NPRL3: variants seen among roughly 807,000 people sequenced by gnomAD.
NPRL3 encodes GATOR1 complex protein NPRL3.
A neutral mutation model predicts 57.2 loss-of-function variants in NPRL3; 23 were observed. That is an observed-to-expected ratio of 0.40 (90% CI 0.29 to 0.57). The LOEUF (loss-of-function observed/expected upper bound fraction) is 0.57. NPRL3 is among the 20% of genes least tolerant of loss of function. NPRL3 has a pLI of 0.42. For synonymous variants in NPRL3, 333 were observed against 321.1 expected, an observed-to-expected ratio of 1.04 and a Z score of -0.39; for missense variants, 691 against 767.1, an observed-to-expected ratio of 0.90 and a Z score of 1.17.
At chr16:90,509 G>A (rs1345740996) in intron 11 of NPRL3, 1 of 152,558 alleles carries the variant, frequency 6.6e-6, no homozygotes, top group African/African-American at 2.4e-5. Flanking sequence ...GGCACGTCCT[G>A]GCCAGGCCCT....
At chr16:116,045 A>C (rs1900020049) in intron 5 of NPRL3, among the ~76,000 whole-genome samples, 1 of 152,196 alleles carries the variant, frequency 6.6e-6, no homozygotes, top group South Asian at 2.1e-4. Context: ...AATACTCCTA[A>C]CAGTGGGACT....
intron 9 of NPRL3, among the ~76,000 whole-genome samples, chr16:96,256 A>G (rs568930205): frequency 6.6e-6 from 1 of 152,294 alleles, no homozygotes; most frequent in Admixed American, 6.5e-5. Context: ...CAAGGATGAG[A>G]GGCACAGTGT....
At chr16:130,016 C>A (rs939343601) in intron 3 of NPRL3, among the ~76,000 whole-genome samples, 1 of 152,152 alleles carries the variant, frequency 6.6e-6, no homozygotes, top group Non-Finnish European at 1.5e-5. Flanking sequence ...GGAACCGGAT[C>A]CACCTTTCAT....
intron 2 of NPRL3, among the ~76,000 whole-genome samples, chr16:134,802 C>T (rs1277316009): frequency 6.7e-6 from 1 of 148,412 alleles, no homozygotes; most frequent in Non-Finnish European, 1.5e-5. Context: ...CCCGGGTTCA[C>T]GCCATTCTCC....
At chr16:120,436 T>C (rs1900234081) in intron 3 of NPRL3, among the ~76,000 whole-genome samples, 1 of 152,312 alleles carries the variant, frequency 6.6e-6, no homozygotes, top group East Asian at 1.9e-4. Context: ...AAGGAAGGCC[T>C]GCTTTGAACT....
At chr16:117,514 G>A (rs1900095031) in intron 4 of NPRL3, 139 bp from the exon 5 acceptor site, 2 of 625,784 alleles carry the variant, frequency 3.2e-6, no homozygotes, top group African/African-American at 3.7e-5. Flanking sequence ...CCTTTGCTCT[G>A]GAGGCGTGCC....
At chr16:112,558 T>G (rs1899861391) in intron 6 of NPRL3, 64 bp downstream of exon 6, 5 of 1,383,496 alleles carry the variant, frequency 3.6e-6, no homozygotes, top group Non-Finnish European at 4.7e-6. Flanking sequence ...TCCACAGAGG[T>G]CTGCGCTGCA....
intron 3 of NPRL3, among the ~76,000 whole-genome samples, chr16:129,113 A>G (rs1253180555): frequency 6.6e-6 from 1 of 152,212 alleles, no homozygotes; most frequent in Non-Finnish European, 1.5e-5. Context: ...TCATGTCATT[A>G]TAAGTCTGAA....
At chr16:117,577 G>A (rs551511138) in intron 4 of NPRL3, among the ~76,000 whole-genome samples, 7 of 152,298 alleles carry the variant, frequency 4.6e-5, no homozygotes, top group Middle Eastern at 3.4e-3. Flanking sequence ...TCAGTGCTCT[G>A]ACCCCCTCGC....
intron 7 of NPRL3, among the ~76,000 whole-genome samples, chr16:100,936 A>T (rs1206543841): frequency 4.9e-5 from 6 of 123,648 alleles, no homozygotes; most frequent in Admixed American, 4.3e-4. Flanking sequence ...ACGCCACTGC[A>T]CTCCAGCCTG....
chr16:101,757 T>C (rs1280236708), intron 7 of NPRL3, among the ~76,000 whole-genome samples: 1 of 152,130 alleles, frequency 6.6e-6, no homozygotes, highest in Non-Finnish European at 1.5e-5. Flanking sequence ...GCCCAGTCAC[T>C]CAGGTCCCGC....
rs1050077507 is a variant in NPRL3 at position 92,651 on chromosome 16, G to C, written c.1106C>G (p.Ser369Cys). 4 of 1,613,736 alleles carry C rather than the reference G, an allele frequency of 2.5e-6. No individual in the cohort carries two copies. Among genetic ancestry groups the C allele is most frequent in the Non-Finnish European group, 3.4e-6 (4 of 1,179,834 alleles). ...HDLPSVLAKFSLPVSLSEFRN... is the reference protein window; with the variant it reads ...HDLPSVLAKFCLPVSLSEFRN... ...AAATTCTGACAAGGAGACCGGCAAG[G>C]AGAACTTGGCAAGAACGGACGGCAG... is the stretch of plus-strand genomic sequence containing the variant. The change falls in exon 11 of 14, where the codon TCC becomes TGC. Residue 369 changes from serine (S) to cysteine (C), a missense_variant. By Grantham distance (112) the Ser-to-Cys change is moderately radical. Coordinates refer to ENST00000611875, the MANE Select transcript of NPRL3 (RefSeq NM_001077350.3).
intron 9 of NPRL3, among the ~76,000 whole-genome samples, chr16:93,851 G>A (rs949082258): frequency 2.6e-5 from 4 of 152,108 alleles, no homozygotes; most frequent in Non-Finnish European, 4.4e-5. Flanking sequence ...ATGAGCCACC[G>A]CACCCGGCCA....
chr16:125,382 T>C (rs1379950852), intron 3 of NPRL3, among the ~76,000 whole-genome samples: 1 of 152,200 alleles, frequency 6.6e-6, no homozygotes, highest in Non-Finnish European at 1.5e-5. Context: ...CAAGTCACAA[T>C]GCAACCCCTT....
chr16:118,916 G>A (rs1200903047), intron 4 of NPRL3, among the ~76,000 whole-genome samples: 2 of 150,570 alleles, frequency 1.3e-5, no homozygotes, highest in Non-Finnish European at 3.0e-5. Flanking sequence ...CCTTCCCAGA[G>A]GGTCTGTACC....
At chr16:95,348 T>TATATATAC (rs1555440551) in intron 9 of NPRL3, among the ~76,000 whole-genome samples, 34 of 44,996 alleles carry the variant, frequency 7.6e-4, no homozygotes, top group African/African-American at 1.6e-3. Context: ...TATATATATA[T>TATATATAC]ATACACACAC....
chr16:102,935 C>T (rs1899361065), intron 7 of NPRL3, among the ~76,000 whole-genome samples: 1 of 152,104 alleles, frequency 6.6e-6, no homozygotes, highest in Non-Finnish European at 1.5e-5. Flanking sequence ...GTATCAAACC[C>T]TGAGAAATGT....
At chr16:127,880 C>T (rs1900609847) in intron 3 of NPRL3, among the ~76,000 whole-genome samples, 2 of 151,890 alleles carry the variant, frequency 1.3e-5, no homozygotes, top group Admixed American at 6.5e-5. Context: ...GAGTCTCGAT[C>T]TCCTGACCTC....
Position 86,746 on chromosome 16 carries a change from C to G in NPRL3, c.1669G>C (p.Glu557Gln). The change falls in exon 14 of 14, where the codon GAG becomes CAG. Residue 557 changes from glutamate to glutamine, a missense_variant. Coordinates refer to ENST00000611875, the MANE Select transcript of NPRL3 (RefSeq NM_001077350.3). The part of the protein sequence containing the change: ...FRSVLVVTTH[E>Q]DPVIAVFQAL... ...TGGAAGACGGCAATGACAGGGTCCT[C>G]GTGGGTGGTCACCACCAGCACGCTG... 1 of 1,578,650 alleles carries G rather than the reference C, an allele frequency of 6.3e-7. No individual in the cohort carries two copies. The highest frequency in any genetic ancestry group is 8.6e-7 in the Non-Finnish European group (1 of 1,163,584).
Sources: gnomAD v4.1 joint callset for allele counts (sites outside exome capture counted in the v4.1 genomes callset) on GRCh38, gnomAD v4.1.1 for gene constraint, MANE v1.5 for transcripts, NCBI Gene and HGNC (gene_info 2026-07-23, HGNC 2026-07-21) for gene names.